Variants in TENM4 observed in about 807,000 individuals in gnomAD.
The protein encoded by TENM4 is teneurin-4.
Under a neutral mutation model 243.3 loss-of-function variants are expected in TENM4, and 82 were observed. That is an observed-to-expected ratio of 0.34 (90% CI 0.28 to 0.40). The LOEUF (loss-of-function observed/expected upper bound fraction) is 0.40, where lower values mean the gene tolerates loss of function less well. TENM4 is among the 10% of genes least tolerant of loss of function. The pLI, the probability that TENM4 is intolerant of heterozygous loss-of-function variation, is 1.00. For missense variants in TENM4, 3,138 were observed against 3,673.3 expected (o/e 0.85, Z 3.77); for synonymous variants, 1,412 against 1,456.3 (o/e 0.97, Z 0.69).
At chr11:78,727,360 T>G (rs1470375621) in intron 22 of TENM4, among the ~76,000 whole-genome samples, 1 of 149,828 alleles carries the variant, frequency 6.7e-6, no homozygotes, top group African/African-American at 2.5e-5. Context: ...GGCAGGAGAA[T>G]AGCTTGAACC....
At chr11:79,390,398 G>T (rs1858207679) in intron 1 of TENM4, among the ~76,000 whole-genome samples, 1 of 152,220 alleles carries the variant, frequency 6.6e-6, no homozygotes, top group Non-Finnish European at 1.5e-5. Flanking sequence ...ACAGTACTTG[G>T]ATATAGTTCC....
chr11:79,358,892 C>T (rs559215003), intron 1 of TENM4, among the ~76,000 whole-genome samples: 44 of 151,624 alleles, frequency 2.9e-4, no homozygotes, highest in African/African-American at 6.3e-4. Context: ...GTAGTAAAAA[C>T]GAAAAACACC....
intron 6 of TENM4, among the ~76,000 whole-genome samples, chr11:79,005,451 C>T (rs768621418): frequency 4.6e-5 from 7 of 152,104 alleles, no homozygotes; most frequent in South Asian, 2.1e-4. Flanking sequence ...GTTCAATATA[C>T]GCAAGTCAAT....
At chr11:79,435,406 C>T (rs1859250354) in intron 1 of TENM4, among the ~76,000 whole-genome samples, 1 of 152,130 alleles carries the variant, frequency 6.6e-6, no homozygotes, top group Non-Finnish European at 1.5e-5. Flanking sequence ...TCTGCCAGTG[C>T]AAAGCAAAGA....
Position 78,778,296 on chromosome 11 carries a change from T to C in TENM4, c.2392+306A>G, listed in dbSNP as rs958372311. Among the ~76,000 whole-genome samples the C allele has an allele frequency of 5.0e-5, 5 of 99,306 alleles. No individual in the cohort carries two copies. The East Asian group carries it at 1.8e-3, about 36-fold the overall frequency. The allele number at this position is 99,306 out of a possible 152,430, so 65.1% of individuals were successfully genotyped here. ...ATGGGCAGGGTGACATGAGATGGGG[T>C]GGAAAGAGTGAAAGGTGTATGTATG... On this transcript the variant is annotated intron_variant, in intron 17 of 33. Transcript: ENST00000278550.
At chr11:79,180,546 A>G (rs1474091331) in intron 3 of TENM4, among the ~76,000 whole-genome samples, 2 of 151,730 alleles carry the variant, frequency 1.3e-5, no homozygotes, top group Non-Finnish European at 3.0e-5. Flanking sequence ...AATACCGCGC[A>G]CTTGGCAAGT....
chr11:79,306,931 GCTGCCATAGTCGTGGA>G (rs1856635324), intron 1 of TENM4, among the ~76,000 whole-genome samples: 1 of 152,138 alleles, frequency 6.6e-6, no homozygotes, highest in East Asian at 1.9e-4. Context: ...CACCACCACT[GCTGCCATAGTCGTGGA>G]CTCCAAATTT....
chr11:79,275,920 C>G (rs1364350658), intron 2 of TENM4, among the ~76,000 whole-genome samples: 4 of 152,226 alleles, frequency 2.6e-5, no homozygotes, highest in Non-Finnish European at 4.4e-5. Flanking sequence ...ATGAATAAAT[C>G]AAAAGTAATT....
At chr11:79,373,523 T>A (rs1365431878) in intron 1 of TENM4, among the ~76,000 whole-genome samples, 1 of 151,844 alleles carries the variant, frequency 6.6e-6, no homozygotes, top group Non-Finnish European at 1.5e-5. Flanking sequence ...GGTAGATACA[T>A]GGGTGGGTGG....
chr11:79,356,617 G>A (rs899121486), intron 1 of TENM4, among the ~76,000 whole-genome samples: 5 of 152,112 alleles, frequency 3.3e-5, no homozygotes, highest in African/African-American at 7.2e-5. Context: ...TCTATCTAGT[G>A]GGGTCATTCA....
At chr11:78,947,297 C>G (rs764944901) in intron 6 of TENM4, among the ~76,000 whole-genome samples, 2 of 152,160 alleles carry the variant, frequency 1.3e-5, no homozygotes, top group Non-Finnish European at 1.5e-5. Flanking sequence ...TCAACTTGCC[C>G]AAGGCCAGAC....
chr11:79,129,103 G>A (rs1861942840), intron 4 of TENM4, among the ~76,000 whole-genome samples: 1 of 152,174 alleles, frequency 6.6e-6, no homozygotes, highest in African/African-American at 2.4e-5. Context: ...TACCCCCACT[G>A]GAGAAACTGA....
chr11:79,179,722 A>C (rs1290096792), intron 3 of TENM4, among the ~76,000 whole-genome samples: 4 of 151,868 alleles, frequency 2.6e-5, no homozygotes, highest in Non-Finnish European at 5.9e-5. Flanking sequence ...AAAAAGTTTG[A>C]AGACCAAGCG....
chr11:78,798,769 G>C (rs1857220009), intron 15 of TENM4, among the ~76,000 whole-genome samples: 3 of 151,934 alleles, frequency 2.0e-5, no homozygotes, highest in African/African-American at 7.3e-5. Flanking sequence ...TGGCCACCAG[G>C]GGGCCTCCCT....
intron 4 of TENM4, among the ~76,000 whole-genome samples, chr11:79,085,738 G>T (rs557817189): frequency 2.1e-3 from 212 of 100,046 alleles, no homozygotes; most frequent in African/African-American, 6.6e-3. Context: ...AGTTTCTTTT[G>T]GCTAATGTAA....
chr11:78,980,763 G>C (rs1398515831), intron 6 of TENM4, among the ~76,000 whole-genome samples: 1 of 152,056 alleles, frequency 6.6e-6, no homozygotes, highest in Admixed American at 6.5e-5. Flanking sequence ...TACCTCACAG[G>C]GTTGTACAGG....
intron 16 of TENM4, among the ~76,000 whole-genome samples, chr11:78,782,084 C>T (rs2136023119): frequency 6.6e-6 from 1 of 152,280 alleles, no homozygotes; most frequent in South Asian, 2.1e-4. Flanking sequence ...ATCACAGGGT[C>T]CTATACCTCA....
chr11:78,913,602 TG>T (rs1856244968), intron 6 of TENM4, among the ~76,000 whole-genome samples: 1 of 150,660 alleles, frequency 6.6e-6, no homozygotes, highest in African/African-American at 2.5e-5. Flanking sequence ...TGTGTGTGTG[TG>T]TGTGTGTGTG....
chr11:78,784,615 T>G (rs1856898165), intron 16 of TENM4, among the ~76,000 whole-genome samples: 1 of 152,240 alleles, frequency 6.6e-6, no homozygotes, highest in African/African-American at 2.4e-5. Flanking sequence ...ATGACATTTC[T>G]TTGGTATTTA....
Sources: allele counts gnomAD v4.1 joint callset (sites outside exome capture counted in the v4.1 genomes callset), GRCh38; gene constraint gnomAD v4.1.1; transcripts MANE v1.5; gene names NCBI Gene and HGNC (gene_info 2026-07-23, HGNC 2026-07-21).